The following BOLL variants were observed in gnomAD, a reference collection of about 807,000 sequenced individuals.
BOLL encodes the protein boule RNA binding protein, also known as protein boule-like.
In BOLL, 23 loss-of-function variants were observed where a neutral mutation model predicts 44.4. The ratio of observed to expected loss-of-function variants is 0.52; its 90% CI spans 0.37 to 0.73. BOLL has a LOEUF of 0.73. Ranked by LOEUF, BOLL falls within the 30% of genes least tolerant of loss-of-function variation. The pLI is 0.00. For missense variants in BOLL, 287 were observed against 338.3 expected (o/e 0.85, Z 1.19); for synonymous variants, 97 against 110.8 (o/e 0.88, Z 0.78).
intron 9 of BOLL, among the ~76,000 whole-genome samples, chr2:197,751,157 G>C (rs1688228991): frequency 6.6e-6 from 1 of 152,146 alleles, no homozygotes; most frequent in Non-Finnish European, 1.5e-5. Flanking sequence ...ACTGTTTAGA[G>C]AGAAATTTAT....
rs541015473 is a variant in BOLL, at chr2:197,742,054, C to A, written c.828+1007G>T. On this transcript the variant is annotated intron_variant, in intron 10 of 10. Coordinates refer to ENST00000392296, the MANE Select transcript of BOLL (RefSeq NM_033030.6). ...AAGACATTTATGCAGCCAAAAAACA[C>A]ATGAAAAAATGCTCATCATCACTGG... 9.1e-3 allele frequency among the ~76,000 whole-genome samples: 1,379 copies of A among 152,244 alleles called. 25 individuals are homozygous for A. Among genetic ancestry groups the A allele is most frequent in the African/African-American group, 0.032 (1,311 of 41,540 alleles).
intron 9 of BOLL, among the ~76,000 whole-genome samples, chr2:197,752,217 A>T (rs1156618802): frequency 6.6e-6 from 1 of 152,246 alleles, no homozygotes; most frequent in East Asian, 1.9e-4. Context: ...AAAAGCTGGA[A>T]GCATTCCCTT....
chr2:197,774,006 T>G, intron 5 of BOLL: 1 of 458,270 alleles, frequency 2.2e-6, no homozygotes, highest in Non-Finnish European at 4.5e-6. Context: ...ACACCTATTT[T>G]TCTTCGCAGA....
At chr2:197,781,582 A>C (rs1305056159) in intron 2 of BOLL, 140 bp downstream of exon 2, 1 of 895,498 alleles carries the variant, frequency 1.1e-6, no homozygotes, top group South Asian at 3.2e-5. Context: ...CTGGTTGAAA[A>C]GATTCTTTAT....
chr2:197,761,903 T>A (rs1189409504), intron 7 of BOLL, among the ~76,000 whole-genome samples: 2 of 69,468 alleles, frequency 2.9e-5, no homozygotes, highest in Non-Finnish European at 5.4e-5. Flanking sequence ...CAAGAGAATA[T>A]AACAATGTAA....
chr2:197,744,840 A>G (rs905947429), intron 9 of BOLL, among the ~76,000 whole-genome samples: 11 of 152,192 alleles, frequency 7.2e-5, no homozygotes, highest in Non-Finnish European at 1.5e-4. Context: ...GCAATTCCTC[A>G]AAGTAACACA....
intron 7 of BOLL, among the ~76,000 whole-genome samples, chr2:197,763,665 TC>T (rs1394058758): frequency 6.6e-6 from 1 of 152,124 alleles, no homozygotes; most frequent in Non-Finnish European, 1.5e-5. Context: ...GAGGGAATTC[TC>T]CCTAATTCAT....
chr2:197,751,844 A>C (rs1332270910), intron 9 of BOLL, among the ~76,000 whole-genome samples: 3 of 151,726 alleles, frequency 2.0e-5, no homozygotes, highest in East Asian at 3.9e-4. Context: ...CCAACAAAAA[A>C]AAAAAAAGAA....
In BOLL at chr2:197,777,080, A is replaced by G. The variant is rs138416463; in HGVS notation, c.255T>C (p.Asp85=). The G allele has an allele frequency of 3.2e-6, 5 of 1,575,604 alleles. No homozygotes were observed. The highest frequency in any genetic ancestry group is 2.7e-5 in the African/African-American group (2 of 73,912). The change falls in exon 4 of 11, where the codon GAT becomes GAC. Residue 85 remains aspartate (D), a synonymous_variant. Transcript: ENST00000392296. The part of the protein sequence containing the change: ...YGFVTFETQE[D]AQKILQEAEK... ...ATACCTCTTGTAAAATTTTTTGTGC[A>G]TCTTCTTGTGTTTCAAAAGTGACGA...
At chr2:197,735,780 T>A (rs901554670) in intron 10 of BOLL, among the ~76,000 whole-genome samples, 1 of 152,182 alleles carries the variant, frequency 6.6e-6, no homozygotes, top group African/African-American at 2.4e-5. Flanking sequence ...TTTTTGCCTG[T>A]TTCGGAGAGG....
chr2:197,746,987 T>G (rs1688016967), intron 9 of BOLL, among the ~76,000 whole-genome samples: 2 of 151,134 alleles, frequency 1.3e-5, no homozygotes, highest in Admixed American at 1.3e-4. Context: ...TGGTCAAAGG[T>G]TACAGGGTTT....
intron 10 of BOLL, among the ~76,000 whole-genome samples, chr2:197,737,697 T>A (rs1687557804): frequency 6.6e-6 from 1 of 152,126 alleles, no homozygotes; most frequent in South Asian, 2.1e-4. Context: ...AAAAAAATAC[T>A]GGTAGTGGAA....
intron 7 of BOLL, among the ~76,000 whole-genome samples, chr2:197,762,586 T>A (rs112332642): frequency 2.0e-5 from 3 of 151,912 alleles, no homozygotes; most frequent in African/African-American, 7.3e-5. Context: ...TAAAACAAGA[T>A]ATCAATAACA....
intron 6 of BOLL, among the ~76,000 whole-genome samples, chr2:197,770,644 T>A (rs1334665775): frequency 6.6e-6 from 1 of 151,898 alleles, no homozygotes; most frequent in African/African-American, 2.4e-5. Flanking sequence ...TTAAACAAAC[T>A]TACAAGAAAA....
intron 9 of BOLL, among the ~76,000 whole-genome samples, chr2:197,751,761 T>C (rs1688264565): frequency 6.7e-6 from 1 of 149,796 alleles, no homozygotes; most frequent in Admixed American, 6.7e-5. Flanking sequence ...TTCCAAATAA[T>C]AGAAAAAGAG....
intron 9 of BOLL, among the ~76,000 whole-genome samples, chr2:197,751,045 C>T (rs1199973518): frequency 2.6e-5 from 4 of 152,166 alleles, no homozygotes; most frequent in African/African-American, 9.7e-5. Flanking sequence ...TCCTGAATGA[C>T]TAGTGGATAA....
intron 9 of BOLL, among the ~76,000 whole-genome samples, chr2:197,744,127 G>C (rs909228681): frequency 1.3e-5 from 2 of 152,104 alleles, no homozygotes; most frequent in African/African-American, 4.8e-5. Flanking sequence ...TTTTCACACT[G>C]TGTCTTCAAA....
Position 197,777,319 on chromosome 2 carries a change from C to A in BOLL, c.222-206G>T, listed in dbSNP as rs563794945. ...TAGTCAGGAACTAAAAGAAAAAAAA[C>A]CCCTGAGATCTTGAAACAGCTTCAG... On this transcript the variant is annotated intron_variant, in intron 3 of 10. Transcript: ENST00000392296. 1.3e-3 allele frequency among the ~76,000 whole-genome samples: 193 copies of A among 151,750 alleles called. 1 individual carries two copies. Among genetic ancestry groups the A allele is most frequent in the African/African-American group, 4.3e-3 (180 of 41,478 alleles).
chr2:197,756,502 G>A lies in BOLL; in HGVS notation c.655C>T (p.Gln219Ter). The change falls in exon 9 of 11, where the codon CAA becomes TAA. Residue 219 changes from glutamine (Q) to a stop codon, truncating the protein, a stop_gained. Coordinates refer to ENST00000392296, the MANE Select transcript of BOLL (RefSeq NM_033030.6). LOFTEE classifies it high-confidence loss of function. Reference protein sequence around the residue: ...LYLQPSEVIYQPVEIAQDGGC... With the variant: ...LYLQPSEVIY ...CCATCCTGTGCAATTTCCACTGGTT[G>A]ATAAATAACCTCAGAAGGTTGCAGG... 6.2e-7 allele frequency: 1 copy of A among 1,612,698 alleles called. No homozygotes were observed. The highest frequency in any genetic ancestry group is 8.5e-7 in the Non-Finnish European group (1 of 1,179,092).
Sources: gnomAD v4.1 joint callset for allele counts (sites outside exome capture counted in the v4.1 genomes callset) on GRCh38, gnomAD v4.1.1 for gene constraint, MANE v1.5 for transcripts, NCBI Gene and HGNC (gene_info 2026-07-23, HGNC 2026-07-21) for gene names.